SGCZ: variants seen among roughly 807,000 people sequenced by gnomAD.
SGCZ encodes zeta-sarcoglycan.
SGCZ carries 40 observed loss-of-function variants against 41.3 expected under a neutral mutation model. The ratio of observed to expected loss-of-function variants is 0.97; its 90% CI spans 0.75 to 1.26. The LOEUF (loss-of-function observed/expected upper bound fraction) is 1.26. Ranked by LOEUF, SGCZ falls within the 50% of genes most tolerant of loss-of-function variation. The pLI, the probability that SGCZ is intolerant of heterozygous loss-of-function variation, is 0.00. For synonymous variants in SGCZ, 206 were observed against 137.5 expected, an observed-to-expected ratio of 1.50 and a Z score of -3.49; for missense variants, 552 against 369.8, an observed-to-expected ratio of 1.49 and a Z score of -4.04.
chr8:14,848,484 T>C (rs1803208660), intron 1 of SGCZ, among the ~76,000 whole-genome samples: 1 of 152,168 alleles, frequency 6.6e-6, no homozygotes, highest in Non-Finnish European at 1.5e-5. Flanking sequence ...CAACACACTG[T>C]TGTATTAGAG....
At chr8:15,147,642 C>G (rs1325668422) in intron 1 of SGCZ, among the ~76,000 whole-genome samples, 1 of 152,084 alleles carries the variant, frequency 6.6e-6, no homozygotes, top group Non-Finnish European at 1.5e-5. Flanking sequence ...GACACGATCC[C>G]TTATGTAGAA....
At chr8:14,856,597 T>C (rs1803553058) in intron 1 of SGCZ, among the ~76,000 whole-genome samples, 1 of 152,140 alleles carries the variant, frequency 6.6e-6, no homozygotes, top group South Asian at 2.1e-4. Flanking sequence ...GAGAGCAATA[T>C]TAAAGCCCTC....
Position 14,090,622 on chromosome 8 carries a change from C to G in SGCZ, c.760G>C (p.Glu254Gln). 2 of 1,609,012 alleles carry G rather than the reference C, an allele frequency of 1.2e-6. No homozygotes were observed. Among genetic ancestry groups the G allele is most frequent in the Non-Finnish European group, 1.7e-6 (2 of 1,178,500 alleles). Residue 254 changes from glutamate (E) to glutamine (Q), a missense_variant, in exon 8 of 8, where the codon GAG (glutamate) becomes CAG (glutamine). Transcript: ENST00000382080. ...GGTAGATTTCCCAGCTTGATTGTCT[C>G]TGCATTTAAAAATATCTATGGGAAA... ...STEGEIFLNA[E>Q]TIKLGNLPTG...
chr8:14,547,184 A>G (rs567377680), intron 2 of SGCZ, among the ~76,000 whole-genome samples: 1 of 152,318 alleles, frequency 6.6e-6, no homozygotes, highest in African/African-American at 2.4e-5. Context: ...TTCATTAAAG[A>G]AACTCAGCAT....
At chr8:14,716,412 A>T (rs941288621) in intron 1 of SGCZ, among the ~76,000 whole-genome samples, 4 of 152,076 alleles carry the variant, frequency 2.6e-5, no homozygotes, top group Non-Finnish European at 4.4e-5. Flanking sequence ...TAGCATATTG[A>T]TTATTAATCT....
rs1250630327 is a variant in SGCZ, at chr8:14,088,911, T to C, written c.*1532A>G. On this transcript the variant is annotated 3_prime_UTR_variant, in exon 8 of 8. Coordinates refer to ENST00000382080, the MANE Select transcript of SGCZ (RefSeq NM_139167.4). ...ACTCCAAAGACTCTACAGCCATTAATCCCCAAAAGGAAGTTTCAACACAAA... is the reference window on the plus strand; with the variant it reads ...ACTCCAAAGACTCTACAGCCATTAACCCCCAAAAGGAAGTTTCAACACAAA... Among the ~76,000 whole-genome samples the C allele has an allele frequency of 1.3e-5, 2 of 151,862 alleles. No individual in the cohort carries two copies. Among genetic ancestry groups the C allele is most frequent in the Non-Finnish European group, 2.9e-5 (2 of 67,922 alleles).
chr8:14,815,183 T>G (rs76864278), intron 1 of SGCZ, among the ~76,000 whole-genome samples: 35,073 of 152,030 alleles, frequency 0.23, 5,019 homozygotes, highest in East Asian at 0.42. Flanking sequence ...AATGTCTTTG[T>G]AGACTGCTGA....
At chr8:14,555,232 C>T (rs825910) in intron 1 of SGCZ, among the ~76,000 whole-genome samples, 151,464 of 152,138 alleles carry the variant, frequency 1, 75,404 homozygotes, top group Non-Finnish European at 1. Context: ...CTCCAGTTAC[C>T]GGTAACTAAA....
chr8:14,147,532 C>T (rs936331694), intron 5 of SGCZ, among the ~76,000 whole-genome samples: 4 of 152,100 alleles, frequency 2.6e-5, no homozygotes, highest in Non-Finnish European at 5.9e-5. Flanking sequence ...TTAAATAGAT[C>T]TGCACCCAAC....
intron 1 of SGCZ, among the ~76,000 whole-genome samples, chr8:15,185,421 GT>G (rs1800303176): frequency 6.6e-6 from 1 of 152,168 alleles, no homozygotes; most frequent in South Asian, 2.1e-4. Flanking sequence ...TCACCATGAA[GT>G]TTTAAGTACT....
intron 1 of SGCZ, among the ~76,000 whole-genome samples, chr8:15,047,722 C>G (rs1475523044): frequency 6.6e-6 from 1 of 152,004 alleles, no homozygotes; most frequent in East Asian, 1.9e-4. Flanking sequence ...TGCGCATAAT[C>G]TGAATGTTTC....
intron 2 of SGCZ, among the ~76,000 whole-genome samples, chr8:14,554,264 C>T (rs825908): frequency 0.73 from 110,386 of 151,864 alleles, 40,243 homozygotes; most frequent in Middle Eastern, 0.83. Flanking sequence ...TCCAGGCTTT[C>T]AGATTCAGTC....
At chr8:14,477,010 A>G (rs1363113810) in intron 2 of SGCZ, among the ~76,000 whole-genome samples, 5 of 152,200 alleles carry the variant, frequency 3.3e-5, no homozygotes, top group African/African-American at 1.2e-4. Flanking sequence ...CCATTGGGAA[A>G]TATTTGAGGA....
At chr8:15,195,322 A>C (rs1800688298) in intron 1 of SGCZ, among the ~76,000 whole-genome samples, 1 of 152,078 alleles carries the variant, frequency 6.6e-6, no homozygotes, top group Non-Finnish European at 1.5e-5. Flanking sequence ...GTACGGGATT[A>C]CTCATGTGGA....
chr8:14,309,326 G>C lies in SGCZ; in HGVS notation c.336+14777C>G, dbSNP rs545083462. ...TAAGGATGGTATTGAGACTATGTGG[G>C]AAGATGAGAAAAACAAATGGGGAGG... On this transcript the variant is annotated intron_variant, in intron 3 of 7. Transcript: ENST00000382080. The C allele has an allele frequency of 2.7e-5, 43 of 1,599,408 alleles. No homozygotes were observed. In the South Asian group the frequency reaches 4.2e-4, roughly 16 times the overall value.
intron 1 of SGCZ, among the ~76,000 whole-genome samples, chr8:14,814,307 G>A (rs1563288170): frequency 6.6e-6 from 1 of 152,064 alleles, no homozygotes; most frequent in African/African-American, 2.4e-5. Context: ...GGTATAGAAG[G>A]GACTGAAGCT....
intron 1 of SGCZ, among the ~76,000 whole-genome samples, chr8:14,976,352 G>A (rs1801478037): frequency 6.6e-6 from 1 of 152,004 alleles, no homozygotes; most frequent in Admixed American, 6.6e-5. Flanking sequence ...AGGAAGTTCA[G>A]GGCCATATGT....
At chr8:14,268,893 A>T (rs1388632370) in intron 3 of SGCZ, among the ~76,000 whole-genome samples, 3 of 151,804 alleles carry the variant, frequency 2.0e-5, no homozygotes, top group Non-Finnish European at 4.4e-5. Flanking sequence ...AGAAAACTTT[A>T]AATAAAATAA....
At chr8:14,305,488 C>T (rs926310293) in intron 3 of SGCZ, among the ~76,000 whole-genome samples, 2 of 152,066 alleles carry the variant, frequency 1.3e-5, no homozygotes, top group African/African-American at 4.8e-5. Context: ...TAGCAAAAAT[C>T]TAGAAATTTT....
Sources: gnomAD v4.1 joint callset for allele counts (sites outside exome capture counted in the v4.1 genomes callset) on GRCh38, gnomAD v4.1.1 for gene constraint, MANE v1.5 for transcripts, NCBI Gene and HGNC (gene_info 2026-07-23, HGNC 2026-07-21) for gene names.